The following ROBO1 variants were observed in gnomAD, a reference collection of about 807,000 sequenced individuals.
ROBO1 encodes roundabout homolog 1.
In ROBO1, 149 loss-of-function variants were observed where a neutral mutation model predicts 195.9. The observed-to-expected ratio is 0.76, with a 90% CI of 0.67 to 0.87. The LOEUF is 0.87. ROBO1 is among the 40% of genes least tolerant of loss of function. The pLI is 0.00. For synonymous variants in ROBO1, 816 were observed against 733.2 expected, an observed-to-expected ratio of 1.11 and a Z score of -1.82; for missense variants, 1,933 against 2,068.3, an observed-to-expected ratio of 0.93 and a Z score of 1.27.
chr3:78,915,799 G>T (rs531588923), intron 4 of ROBO1, among the ~76,000 whole-genome samples: 1 of 152,068 alleles, frequency 6.6e-6, no homozygotes, highest in Non-Finnish European at 1.5e-5. Context: ...CTAGGACTAG[G>T]TGTGCGTCAT....
chr3:78,736,839 G>A (rs1212913725), intron 5 of ROBO1, among the ~76,000 whole-genome samples: 1 of 152,144 alleles, frequency 6.6e-6, no homozygotes, highest in African/African-American at 2.4e-5. Flanking sequence ...ATAAGTGTAT[G>A]TGTAATTATT....
intron 4 of ROBO1, among the ~76,000 whole-genome samples, chr3:78,810,793 T>C (rs1437739551): frequency 6.6e-6 from 1 of 152,162 alleles, no homozygotes; most frequent in East Asian, 1.9e-4. Flanking sequence ...AGATCACCTT[T>C]GCCTGGAGAT....
chr3:79,279,875 T>C (rs932027433), intron 2 of ROBO1, among the ~76,000 whole-genome samples: 5 of 152,192 alleles, frequency 3.3e-5, no homozygotes, highest in African/African-American at 1.2e-4. Flanking sequence ...ATAATGAAAA[T>C]GTGATATATA....
intron 2 of ROBO1, among the ~76,000 whole-genome samples, chr3:79,497,981 T>C (rs936795374): frequency 6.7e-6 from 1 of 148,668 alleles, no homozygotes; most frequent in Non-Finnish European, 1.5e-5. Context: ...AGGAATATAA[T>C]TTTATTTGCT....
chr3:79,584,253 A>AATAT lies in ROBO1; in HGVS notation c.88+5567_88+5570dup, dbSNP rs10526101. Among the ~76,000 whole-genome samples the AATAT allele has an allele frequency of 3.5e-3, 503 of 144,608 alleles. 3 individuals are homozygous for AATAT. Among genetic ancestry groups the AATAT allele is most frequent in the East Asian group, 0.019 (91 of 4,778 alleles). 94.9% of individuals were successfully genotyped at this position (144,608 alleles called of 152,430 possible). A position where few individuals can be genotyped will look rare whatever the true frequency, so the allele number is the denominator to read the frequency against. On this transcript the variant is annotated intron_variant, in intron 2 of 30. Coordinates refer to ENST00000464233, the MANE Select transcript of ROBO1 (RefSeq NM_002941.4). ...ATGCATATGTTACATAGGTACATGT[A>AATAT]ATATATATATATATATATATATATA...
chr3:79,580,441 C>T (rs1382990161), intron 2 of ROBO1, among the ~76,000 whole-genome samples: 1 of 152,018 alleles, frequency 6.6e-6, no homozygotes, highest in African/African-American at 2.4e-5. Flanking sequence ...GAGATCACAC[C>T]ATTGCACTCC....
At chr3:79,688,402 A>G (rs772224289) in intron 1 of ROBO1, among the ~76,000 whole-genome samples, 1 of 152,114 alleles carries the variant, frequency 6.6e-6, no homozygotes, top group African/African-American at 2.4e-5. Flanking sequence ...TCTTTCTGAC[A>G]TTCAGCCATT....
At chr3:78,673,163 G>A (rs902736880) in intron 10 of ROBO1, among the ~76,000 whole-genome samples, 3 of 151,982 alleles carry the variant, frequency 2.0e-5, no homozygotes, top group Non-Finnish European at 4.4e-5. Context: ...ATTGTAAGTT[G>A]GGTACACATC....
chr3:79,253,669 A>G (rs2108917036), intron 2 of ROBO1, among the ~76,000 whole-genome samples: 1 of 152,310 alleles, frequency 6.6e-6, no homozygotes, highest in Non-Finnish European at 1.5e-5. Context: ...GACAAACTTG[A>G]GTTGGCCTTA....
intron 2 of ROBO1, among the ~76,000 whole-genome samples, chr3:79,582,488 A>G (rs1431216046): frequency 3.3e-5 from 5 of 152,028 alleles, no homozygotes; most frequent in Non-Finnish European, 7.4e-5. Context: ...AAAAGAGGAC[A>G]CCAAGATTGA....
At chr3:79,103,967 T>C (rs2079727577) in intron 3 of ROBO1, among the ~76,000 whole-genome samples, 1 of 151,680 alleles carries the variant, frequency 6.6e-6, no homozygotes, top group Admixed American at 6.6e-5. Flanking sequence ...GAGCCTATGA[T>C]AGGAAAGGGA....
At chr3:78,885,950 T>C (rs1156716615) in intron 4 of ROBO1, among the ~76,000 whole-genome samples, 6 of 142,846 alleles carry the variant, frequency 4.2e-5, no homozygotes, top group Non-Finnish European at 7.6e-5. Context: ...TACATACATA[T>C]ATATTTTTTT....
At chr3:79,653,594 C>G (rs1175212074) in intron 1 of ROBO1, among the ~76,000 whole-genome samples, 1 of 151,850 alleles carries the variant, frequency 6.6e-6, no homozygotes, top group Non-Finnish European at 1.5e-5. Context: ...TATTTGCATT[C>G]CCATTAGGGC....
intron 17 of ROBO1, among the ~76,000 whole-genome samples, chr3:78,658,739 T>G (rs1486254870): frequency 6.6e-6 from 1 of 152,240 alleles, no homozygotes; most frequent in Non-Finnish European, 1.5e-5. Flanking sequence ...AAAGTTAATA[T>G]TATTTTAATA....
chr3:79,607,371 T>G (rs1192537513), intron 1 of ROBO1, among the ~76,000 whole-genome samples: 1 of 151,612 alleles, frequency 6.6e-6, no homozygotes, highest in Admixed American at 6.6e-5. Flanking sequence ...AGCCTTTAAG[T>G]TACCCAGTGA....
At chr3:78,971,640 A>C (rs1302317253) in intron 3 of ROBO1, among the ~76,000 whole-genome samples, 1 of 152,206 alleles carries the variant, frequency 6.6e-6, no homozygotes, top group East Asian at 1.9e-4. Context: ...CCTAACACAA[A>C]ACCAAAACGT....
At chr3:79,421,488 C>T (rs1225149319) in intron 2 of ROBO1, among the ~76,000 whole-genome samples, 1 of 152,038 alleles carries the variant, frequency 6.6e-6, no homozygotes, top group Non-Finnish European at 1.5e-5. Context: ...GGTGAGAGGC[C>T]GTGTGGGGAA....
chr3:79,481,326 T>A (rs936168709), intron 2 of ROBO1, among the ~76,000 whole-genome samples: 1 of 152,120 alleles, frequency 6.6e-6, no homozygotes, highest in Non-Finnish European at 1.5e-5. Context: ...CTACTTTTTG[T>A]AAACTATGTG....
intron 2 of ROBO1, among the ~76,000 whole-genome samples, chr3:79,471,437 A>G (rs899310879): frequency 2.6e-5 from 4 of 152,150 alleles, no homozygotes; most frequent in Admixed American, 6.6e-5. Flanking sequence ...TTCTATCAAT[A>G]TCAGATATAT....
Sources: gnomAD v4.1 joint callset for allele counts (sites outside exome capture counted in the v4.1 genomes callset) on GRCh38, gnomAD v4.1.1 for gene constraint, MANE v1.5 for transcripts, NCBI Gene and HGNC (gene_info 2026-07-23, HGNC 2026-07-21) for gene names.